Variants in CADM1 observed in about 807,000 individuals in gnomAD.
CADM1 encodes the protein cell adhesion molecule 1, also known as TSLC-1.
CADM1 carries 15 observed loss-of-function variants against 53.1 expected under a neutral mutation model. That is an observed-to-expected ratio of 0.28 (90% CI 0.19 to 0.44). CADM1 has a LOEUF of 0.44. Ranked by LOEUF, CADM1 falls within the 20% of genes least tolerant of loss-of-function variation. The pLI is 1.00. For synonymous variants in CADM1, 281 were observed against 243.0 expected (o/e 1.16, Z -1.45); for missense variants, 434 against 611.3 (o/e 0.71, Z 3.06).
intron 8 of CADM1, among the ~76,000 whole-genome samples, chr11:115,201,215 C>T (rs1279302969): frequency 6.6e-6 from 1 of 152,122 alleles, no homozygotes; most frequent in African/African-American, 2.4e-5. Flanking sequence ...TAGGAGACTG[C>T]AGGAGAAACA....
chr11:115,243,965 C>A (rs1323254107), intron 1 of CADM1, among the ~76,000 whole-genome samples: 1 of 152,202 alleles, frequency 6.6e-6, no homozygotes, highest in East Asian at 1.9e-4. Flanking sequence ...GGAACAATAT[C>A]TGGCATTTAT....
chr11:115,341,651 C>G (rs1400725867), intron 1 of CADM1, among the ~76,000 whole-genome samples: 1 of 152,160 alleles, frequency 6.6e-6, no homozygotes, highest in African/African-American at 2.4e-5. Context: ...AAATTTGTCA[C>G]ATGAAAGCTT....
At chr11:115,187,730 C>T (rs771340963) in intron 10 of CADM1, among the ~76,000 whole-genome samples, 14 of 152,144 alleles carry the variant, frequency 9.2e-5, no homozygotes, top group Non-Finnish European at 1.3e-4. Context: ...TGTGAGCCAT[C>T]GCGCCCAGCT....
intron 1 of CADM1, chr11:115,396,844 C>A (rs1314769629): frequency 6.6e-6 from 1 of 151,880 alleles, no homozygotes. Context: ...TCTGTATAAG[C>A]GTTCTCTTTT....
Position 115,416,910 on chromosome 11 carries a change from G to A in CADM1, c.124+87361C>T, listed in dbSNP as rs181334478. Among the ~76,000 whole-genome samples the A allele has an allele frequency of 2.6e-5, 4 of 152,304 alleles. No individual in the cohort carries two copies. In the East Asian group the frequency reaches 5.8e-4, roughly 22 times the overall value. On this transcript the variant is annotated intron_variant, in intron 1 of 11. Transcript: ENST00000331581. ...CACAGGGCACTGAATTTAATTGACA[G>A]TAGAGATTAAAAAGAGGGAACAGTC...
chr11:115,190,694 T>C (rs1591589285), intron 10 of CADM1, 194 bp downstream of exon 10: 2 of 565,026 alleles, frequency 3.5e-6, no homozygotes, highest in Middle Eastern at 4.0e-4. Flanking sequence ...CATTCCGAAA[T>C]ATAAATATCG....
At chr11:115,249,856 C>T (rs183008770) in intron 1 of CADM1, among the ~76,000 whole-genome samples, 58 of 152,254 alleles carry the variant, frequency 3.8e-4, no homozygotes, top group Non-Finnish European at 6.9e-4. Context: ...CTTCTCAATC[C>T]CCCTGAGTCG....
At chr11:115,190,864 C>A in intron 10 of CADM1, 24 bp downstream of exon 10, 1 of 1,585,954 alleles carries the variant, frequency 6.3e-7, no homozygotes, top group Admixed American at 1.7e-5. Context: ...CACTGCAGTG[C>A]CTTACCTAAT....
chr11:115,200,413 T>C (rs1940363375), intron 8 of CADM1, among the ~76,000 whole-genome samples: 1 of 152,236 alleles, frequency 6.6e-6, no homozygotes, highest in South Asian at 2.1e-4. Flanking sequence ...TAGATAGGCA[T>C]CGGCTCCTTT....
At chr11:115,211,766 G>A (rs1940977844) in intron 7 of CADM1, among the ~76,000 whole-genome samples, 1 of 151,904 alleles carries the variant, frequency 6.6e-6, no homozygotes, top group Non-Finnish European at 1.5e-5. Flanking sequence ...TGAGATTACA[G>A]GCGTGAGCCA....
At chr11:115,462,921 G>A (rs1948826384) in intron 1 of CADM1, among the ~76,000 whole-genome samples, 2 of 152,146 alleles carry the variant, frequency 1.3e-5, no homozygotes, top group South Asian at 4.1e-4. Flanking sequence ...GGATGAAGCA[G>A]GATGAAGAGG....
intron 1 of CADM1, among the ~76,000 whole-genome samples, chr11:115,339,558 C>T (rs1287684252): frequency 6.6e-6 from 1 of 152,096 alleles, no homozygotes; most frequent in African/African-American, 2.4e-5. Flanking sequence ...TTTTCTCATA[C>T]CTGCTTCATA....
chr11:115,221,936 G>T (rs934350772), intron 5 of CADM1, among the ~76,000 whole-genome samples: 2 of 152,192 alleles, frequency 1.3e-5, no homozygotes, highest in Non-Finnish European at 1.5e-5. Flanking sequence ...GGAAATGCAG[G>T]TGTCATATTT....
intron 1 of CADM1, among the ~76,000 whole-genome samples, chr11:115,390,156 G>C (rs1946799011): frequency 6.6e-6 from 1 of 152,154 alleles, no homozygotes; most frequent in South Asian, 2.1e-4. Flanking sequence ...GGAGAAAAAA[G>C]GAAAAGCAGT....
rs561519820 is a variant in CADM1, at chr11:115,391,534, G to A, written c.124+112737C>T. Among the ~76,000 whole-genome samples, 128 of 152,294 alleles carry A rather than the reference G, an allele frequency of 8.4e-4. 1 individual carries two copies. Among genetic ancestry groups the A allele is most frequent in the Middle Eastern group, 6.8e-3 (2 of 294 alleles). On this transcript the variant is annotated intron_variant, in intron 1 of 11. Transcript: ENST00000331581. ...AAAAGAAGTAGAAATAAAAGGAGAA[G>A]GAGGAAAAGGCAAAAGAGAAGAGGA...
At chr11:115,288,371 G>A (rs1010404532) in intron 1 of CADM1, among the ~76,000 whole-genome samples, 18 of 152,114 alleles carry the variant, frequency 1.2e-4, no homozygotes, top group African/African-American at 4.1e-4. Context: ...ACAGGGTTTT[G>A]TTACTTGCAG....
At chr11:115,372,860 G>C (rs1291645113) in intron 1 of CADM1, among the ~76,000 whole-genome samples, 2 of 152,184 alleles carry the variant, frequency 1.3e-5, no homozygotes, top group East Asian at 3.9e-4. Context: ...ATGGATGAAA[G>C]AAGGCATAAC....
intron 1 of CADM1, among the ~76,000 whole-genome samples, chr11:115,421,990 A>G (rs1340670725): frequency 6.6e-6 from 1 of 152,198 alleles, no homozygotes; most frequent in African/African-American, 2.4e-5. Flanking sequence ...CAGCCCATTC[A>G]TGGGACTTGT....
chr11:115,362,250 A>C (rs1413121620), intron 1 of CADM1, among the ~76,000 whole-genome samples: 1 of 152,220 alleles, frequency 6.6e-6, no homozygotes, highest in Non-Finnish European at 1.5e-5. Context: ...CTTAGTATAA[A>C]ATAAAATAAA....
Sources: allele counts gnomAD v4.1 joint callset (sites outside exome capture counted in the v4.1 genomes callset), GRCh38; gene constraint gnomAD v4.1.1; transcripts MANE v1.5; gene names NCBI Gene and HGNC (gene_info 2026-07-23, HGNC 2026-07-21).